Variants in JPH2 observed in about 807,000 individuals in gnomAD.
JPH2 encodes the protein junctophilin-2.
In JPH2, 38 loss-of-function variants were observed where a neutral mutation model predicts 55.9. That is an observed-to-expected ratio of 0.68 (90% CI 0.52 to 0.89). JPH2 has a LOEUF of 0.89. JPH2 is among the 40% of genes least tolerant of loss of function. JPH2 has a pLI of 0.00. For missense variants in JPH2, 964 were observed against 1,037.6 expected (o/e 0.93, Z 0.97); for synonymous variants, 480 against 472.4 (o/e 1.02, Z -0.21).
chr20:44,135,103 T>C (rs932844440), intron 2 of JPH2, among the ~76,000 whole-genome samples: 2 of 151,170 alleles, frequency 1.3e-5, no homozygotes, highest in Non-Finnish European at 2.9e-5. Flanking sequence ...GGCATGACCA[T>C]ACCTACTGGG....
intron 2 of JPH2, among the ~76,000 whole-genome samples, chr20:44,132,702 C>T (rs1234295080): frequency 2.0e-5 from 2 of 100,460 alleles, no homozygotes; most frequent in African/African-American, 8.0e-5. Flanking sequence ...TCCCCCTCCA[C>T]ACCTGCAGCT....
chr20:44,115,122 T>C (rs2072177700), intron 4 of JPH2, among the ~76,000 whole-genome samples: 1 of 152,118 alleles, frequency 6.6e-6, no homozygotes, highest in Admixed American at 6.5e-5. Context: ...TCATATAGTG[T>C]GTGAATCAGG....
Position 44,187,043 on chromosome 20 carries a change from T to C in JPH2, c.-338A>G, listed in dbSNP as rs968385734. 1 of 336,256 alleles carries C rather than the reference T, an allele frequency of 3.0e-6. No homozygotes were observed. Among genetic ancestry groups the C allele is most frequent in the African/African-American group, 2.1e-5 (1 of 47,458 alleles). The allele number at this position is 336,256 out of a possible 1,614,324, so 20.8% of individuals were successfully genotyped here. ...CCAAGGGAAAACGGTGTGATCTCTT[T>C]AAGAAGCCCAGTGAAAGGGTGGGGT... is the stretch of plus-strand genomic sequence containing the variant. On this transcript the variant is annotated 5_prime_UTR_variant, in exon 1 of 6. Transcript: ENST00000372980.
chr20:44,177,474 A>G (rs1316268412), intron 1 of JPH2: 19 of 992,060 alleles, frequency 1.9e-5, no homozygotes, highest in Non-Finnish European at 2.3e-5. Context: ...ACTGAAAACA[A>G]GGCCGTGGAC....
rs1472222727 is a variant in JPH2, at chr20:44,109,291, A to C, written c.*4227T>G. The stretch of plus-strand genomic sequence containing the variant: ...CCTACACCATGGAGATACTGCGAAG[A>C]ATGGAAAATAGCAGTGCATTTACCA... On this transcript the variant is annotated 3_prime_UTR_variant, in exon 6 of 6. Coordinates refer to ENST00000372980, the MANE Select transcript of JPH2 (RefSeq NM_020433.5). Among the ~76,000 whole-genome samples the C allele has an allele frequency of 6.6e-6, 1 of 152,256 alleles. No homozygotes were observed. The highest frequency in any genetic ancestry group is 2.4e-5 in the African/African-American group (1 of 41,464).
chr20:44,132,351 GACAGACACACACACACACACAC>G (rs1357339146), intron 2 of JPH2, among the ~76,000 whole-genome samples: 1 of 67,432 alleles, frequency 1.5e-5, no homozygotes, highest in African/African-American at 5.6e-5. Flanking sequence ...GAGGCAGACA[GACAGACACACACACACACACAC>G]ACACACACAC....
chr20:44,119,354 TA>T (rs2072218380), intron 2 of JPH2, among the ~76,000 whole-genome samples: 1 of 152,230 alleles, frequency 6.6e-6, no homozygotes, highest in Admixed American at 6.5e-5. Context: ...TATTATGGTT[TA>T]TTGCCTATTT....
intron 1 of JPH2, chr20:44,177,597 C>G (rs1422540294): frequency 8.6e-7 from 1 of 1,168,670 alleles, no homozygotes; most frequent in Non-Finnish European, 1.1e-6. Context: ...CTGACTGTCA[C>G]GCTGATGCCT....
intron 2 of JPH2, among the ~76,000 whole-genome samples, chr20:44,143,964 A>T (rs1362522481): frequency 6.6e-6 from 1 of 152,054 alleles, no homozygotes; most frequent in Non-Finnish European, 1.5e-5. Flanking sequence ...GACTCCCCAA[A>T]GAACCAGAGG....
chr20:44,144,980 TG>T (rs2072483249), intron 2 of JPH2, among the ~76,000 whole-genome samples: 1 of 151,622 alleles, frequency 6.6e-6, no homozygotes, highest in Non-Finnish European at 1.5e-5. Context: ...GATGAAGAAA[TG>T]GAGGTACAGG....
intron 2 of JPH2, among the ~76,000 whole-genome samples, chr20:44,151,548 G>C (rs1478005655): frequency 6.6e-6 from 1 of 152,012 alleles, no homozygotes; most frequent in African/African-American, 2.4e-5. Context: ...ATCAAGAGTT[G>C]TGCTAACATT....
Position 44,160,256 on chromosome 20 carries a change from C to A in JPH2, c.531G>T (p.Pro177=). 4.6e-6 allele frequency: 7 copies of A among 1,528,558 alleles called. No individual in the cohort carries two copies. The highest frequency in any genetic ancestry group is 6.1e-6 in the Non-Finnish European group (7 of 1,141,636). The allele number at this position is 1,528,558 out of a possible 1,614,324, so 94.7% of individuals were successfully genotyped here. A position where few individuals can be genotyped will look rare whatever the true frequency, so the allele number is the denominator to read the frequency against. Residue 177 remains proline, a synonymous_variant, in exon 2 of 6, where the codon CCG becomes CCT. Transcript: ENST00000372980. This position sits in a 1 kb window ranked among gnomAD's most constrained non-coding sequence, Gnocchi z 4.9. The part of the protein sequence containing the change: ...RSEHSNGTVA[P]DSPASPASDG... ...CGGAGGCCGGCGAGGCGGGAGAGTC[C>A]GGGGCCACCGTGCCGTTGCTGTGCT...
intron 2 of JPH2, among the ~76,000 whole-genome samples, chr20:44,119,161 G>A (rs1037476881): frequency 9.2e-5 from 14 of 152,134 alleles, no homozygotes; most frequent in Non-Finnish European, 1.8e-4. Context: ...GAACACATTT[G>A]TAAAATAATA....
chr20:44,160,543 T>C lies in JPH2; in HGVS notation c.380-136A>G, dbSNP rs2072603538. On this transcript the variant is annotated intron_variant, in intron 1 of 5. Coordinates refer to ENST00000372980, the MANE Select transcript of JPH2 (RefSeq NM_020433.5). The surrounding 1 kb of genome is among the most constrained non-coding windows in gnomAD (Gnocchi z 4.9). ...GCGCAAGGCCGTCTGAGGGTCAGGG[T>C]GCACAGTGCTATGAGTGTTTGAGTC... 4.7e-6 allele frequency: 4 copies of C among 854,154 alleles called. No individual in the cohort carries two copies. In the Admixed American group the frequency reaches 8.0e-5, roughly 17 times the overall value. The allele number at this position is 854,154 out of a possible 1,614,324, so 52.9% of individuals were successfully genotyped here.
At chr20:44,169,024 T>C (rs986602130) in intron 1 of JPH2, among the ~76,000 whole-genome samples, 1 of 152,154 alleles carries the variant, frequency 6.6e-6, no homozygotes, top group Non-Finnish European at 1.5e-5. Context: ...ATGTGATCTC[T>C]GCACACACCA....
intron 2 of JPH2, among the ~76,000 whole-genome samples, chr20:44,140,388 G>A (rs2072446706): frequency 6.6e-6 from 1 of 152,240 alleles, no homozygotes; most frequent in East Asian, 1.9e-4. Flanking sequence ...GTGGGTCAGA[G>A]CTCCAGGGGC....
chr20:44,135,380 G>C (rs1440688943), intron 2 of JPH2, among the ~76,000 whole-genome samples: 1 of 152,070 alleles, frequency 6.6e-6, no homozygotes, highest in Non-Finnish European at 1.5e-5. Context: ...GTGCCCTGTC[G>C]ATTGTTTCTA....
chr20:44,128,216 A>G (rs1165164166), intron 2 of JPH2, among the ~76,000 whole-genome samples: 1 of 152,210 alleles, frequency 6.6e-6, no homozygotes, highest in Non-Finnish European at 1.5e-5. Context: ...TTTTCATCTA[A>G]GAATTTTATG....
chr20:44,130,707 A>C (rs2072311496), intron 2 of JPH2, among the ~76,000 whole-genome samples: 1 of 152,242 alleles, frequency 6.6e-6, no homozygotes, highest in Non-Finnish European at 1.5e-5. Context: ...AAAATTTTAC[A>C]AACTATAAAA....
Sources: allele counts gnomAD v4.1 joint callset (sites outside exome capture counted in the v4.1 genomes callset), GRCh38; gene constraint gnomAD v4.1.1; non-coding constraint Gnocchi (gnomAD v3.1); transcripts MANE v1.5; gene names NCBI Gene and HGNC (gene_info 2026-07-23, HGNC 2026-07-21).